DYNC1LI2: variants seen among roughly 807,000 people sequenced by gnomAD.
DYNC1LI2 encodes cytoplasmic dynein 1 light intermediate chain 2.
Under a neutral mutation model 57.8 loss-of-function variants are expected in DYNC1LI2, and 19 were observed. That is an observed-to-expected ratio of 0.33 (90% CI 0.23 to 0.48). The LOEUF (loss-of-function observed/expected upper bound fraction) is 0.48. Among genes scored for constraint, DYNC1LI2 ranks in the 20% least tolerant of loss-of-function variants. DYNC1LI2 has a pLI of 0.99. For synonymous variants in DYNC1LI2, 256 were observed against 233.4 expected (o/e 1.10, Z -0.88); for missense variants, 470 against 604.2 (o/e 0.78, Z 2.33).
rs925373453 is a variant in DYNC1LI2, at chr16:66,723,128, C to G, written c.*594G>C. Reference sequence around the variant, plus strand: ...AGATGCATTCAAAATAAGCCTAATTCCCATTTTGCTTAGTGTTTTGTTTGG... The same window carrying G: ...AGATGCATTCAAAATAAGCCTAATTGCCATTTTGCTTAGTGTTTTGTTTGG... On this transcript the variant is annotated 3_prime_UTR_variant, in exon 13 of 13. Coordinates refer to ENST00000258198, the MANE Select transcript of DYNC1LI2 (RefSeq NM_006141.3). 8.8e-6 allele frequency: 3 copies of G among 342,442 alleles called. No individual in the cohort carries two copies. Among genetic ancestry groups the G allele is most frequent in the Non-Finnish European group, 1.7e-5 (3 of 171,522 alleles). The allele number at this position is 342,442 out of a possible 1,614,324, so 21.2% of individuals were successfully genotyped here. A position where few individuals can be genotyped will look rare whatever the true frequency, so the allele number is the denominator to read the frequency against.
chr16:66,741,808 C>A (rs1297432787), intron 4 of DYNC1LI2, among the ~76,000 whole-genome samples: 3 of 148,768 alleles, frequency 2.0e-5, no homozygotes, highest in Admixed American at 6.8e-5. Flanking sequence ...GAAAAAAAAA[C>A]CCAAACAAAC....
chr16:66,729,771 C>A (rs1416892979), intron 8 of DYNC1LI2, among the ~76,000 whole-genome samples: 1 of 151,392 alleles, frequency 6.6e-6, no homozygotes, highest in Non-Finnish European at 1.5e-5. Context: ...TTAAAAAACA[C>A]CTAAACCCTT....
chr16:66,727,057 A>ACAG (rs2017549074), intron 11 of DYNC1LI2, among the ~76,000 whole-genome samples: 1 of 152,060 alleles, frequency 6.6e-6, no homozygotes, highest in Admixed American at 6.6e-5. Flanking sequence ...AGATGGGACT[A>ACAG]CAGGCAAGCA....
chr16:66,727,979 C>G, intron 10 of DYNC1LI2, 174 bp from the exon 11 acceptor site: 2 of 834,612 alleles, frequency 2.4e-6, no homozygotes, highest in Non-Finnish European at 3.7e-6. Context: ...AGAAAGACAT[C>G]CAGATAACAA....
At chr16:66,737,698 T>C (rs1015329266) in intron 4 of DYNC1LI2, among the ~76,000 whole-genome samples, 1 of 152,132 alleles carries the variant, frequency 6.6e-6, no homozygotes, top group Non-Finnish European at 1.5e-5. Flanking sequence ...GGCCTATTCC[T>C]GCCTAACACA....
At chr16:66,741,314 GA>G (rs2017831714) in intron 4 of DYNC1LI2, among the ~76,000 whole-genome samples, 1 of 152,022 alleles carries the variant, frequency 6.6e-6, no homozygotes. Context: ...TCTATTTCAG[GA>G]AAAAAGAGGC....
chr16:66,740,585 C>T (rs1417677992), intron 4 of DYNC1LI2, among the ~76,000 whole-genome samples: 1 of 152,176 alleles, frequency 6.6e-6, no homozygotes, highest in Non-Finnish European at 1.5e-5. Flanking sequence ...CTCTCCTCTT[C>T]CTCCTTATAA....
chr16:66,726,178 T>G (rs907084001), intron 11 of DYNC1LI2, among the ~76,000 whole-genome samples: 1 of 152,194 alleles, frequency 6.6e-6, no homozygotes, highest in Non-Finnish European at 1.5e-5. Context: ...AGATAACCTG[T>G]GCTCCACACC....
Position 66,723,053 on chromosome 16 carries a change from C to G in DYNC1LI2, c.*669G>C. 1 of 332,984 alleles carries G rather than the reference C, an allele frequency of 3.0e-6. No individual in the cohort carries two copies. The highest frequency in any genetic ancestry group is 5.9e-6 in the Non-Finnish European group (1 of 169,296). The allele number at this position is 332,984 out of a possible 1,614,324, so 20.6% of individuals were successfully genotyped here. A position where few individuals can be genotyped will look rare whatever the true frequency, so the allele number is the denominator to read the frequency against. On this transcript the variant is annotated 3_prime_UTR_variant, in exon 13 of 13. Transcript: ENST00000258198. ...GCCATCGTTCCCACCCCTGGGTCAG[C>G]TCCGCCTGACTCAGGCACCCCCACA...
chr16:66,723,415 G>T lies in DYNC1LI2; in HGVS notation c.*307C>A. 2.0e-6 allele frequency: 1 copy of T among 510,440 alleles called. No homozygotes were observed. Among genetic ancestry groups the T allele is most frequent in the African/African-American group, 1.9e-5 (1 of 52,286 alleles). The allele number at this position is 510,440 out of a possible 1,614,324, so 31.6% of individuals were successfully genotyped here. A position where few individuals can be genotyped will look rare whatever the true frequency, so the allele number is the denominator to read the frequency against. Reference sequence around the variant, plus strand: ...TGGTCTCATTTGCTCCACCCTGTTAGAAAGTGGGCCCTCTTTCTTTCACTC... The same window carrying T: ...TGGTCTCATTTGCTCCACCCTGTTATAAAGTGGGCCCTCTTTCTTTCACTC... On this transcript the variant is annotated 3_prime_UTR_variant, in exon 13 of 13. Transcript: ENST00000258198.
intron 4 of DYNC1LI2, 41 bp downstream of exon 4, chr16:66,742,397 A>G: frequency 6.3e-7 from 1 of 1,586,818 alleles, no homozygotes; most frequent in Non-Finnish European, 8.6e-7. Context: ...ATCTAAAGAG[A>G]CTCGTGAACT....
intron 2 of DYNC1LI2, among the ~76,000 whole-genome samples, chr16:66,749,886 T>G (rs1043576304): frequency 5.9e-5 from 9 of 152,174 alleles, no homozygotes; most frequent in Admixed American, 3.3e-4. Flanking sequence ...TCTCAGTTAA[T>G]TATTAAGCAC....
chr16:66,740,945 A>T (rs1176623120), intron 4 of DYNC1LI2, among the ~76,000 whole-genome samples: 1 of 152,216 alleles, frequency 6.6e-6, no homozygotes, highest in Non-Finnish European at 1.5e-5. Flanking sequence ...CATGCAGCTG[A>T]ATCTAATCCT....
chr16:66,727,559 T>C, intron 11 of DYNC1LI2, 129 bp downstream of exon 11: 1 of 810,580 alleles, frequency 1.2e-6, no homozygotes, highest in Non-Finnish European at 1.9e-6. Flanking sequence ...AAAGTAGCCC[T>C]TATCGGGGAA....
At chr16:66,746,961 T>C (rs546558724) in intron 3 of DYNC1LI2, among the ~76,000 whole-genome samples, 11 of 152,268 alleles carry the variant, frequency 7.2e-5, no homozygotes, top group Admixed American at 2.0e-4. Flanking sequence ...AAAGACTCAA[T>C]ACATGTGAGA....
chr16:66,735,110 T>TTC (rs2017710233), intron 5 of DYNC1LI2, among the ~76,000 whole-genome samples: 1 of 150,572 alleles, frequency 6.6e-6, no homozygotes. Flanking sequence ...GTTTTTTTTT[T>TTC]CTTTTTTTTT....
At chr16:66,748,277 C>CA (rs36186799) in intron 3 of DYNC1LI2, among the ~76,000 whole-genome samples, 879 of 66,002 alleles carry the variant, frequency 0.013, 38 homozygotes, top group East Asian at 0.028. Flanking sequence ...AACCCTGTCT[C>CA]AAAAAAAAAA....
At chr16:66,723,999 C>A (rs1281353976) in intron 12 of DYNC1LI2, among the ~76,000 whole-genome samples, 177 bp from the exon 13 acceptor site, 1 of 152,126 alleles carries the variant, frequency 6.6e-6, no homozygotes, top group Non-Finnish European at 1.5e-5. Flanking sequence ...CTCGGCACAT[C>A]CTAATCCCAA....
intron 3 of DYNC1LI2, among the ~76,000 whole-genome samples, chr16:66,745,240 A>G (rs1413543191): frequency 6.6e-6 from 1 of 151,974 alleles, no homozygotes; most frequent in Non-Finnish European, 1.5e-5. Context: ...AACTATCATC[A>G]AAAATATTTT....
Sources: gnomAD v4.1 joint callset for allele counts (sites outside exome capture counted in the v4.1 genomes callset) on GRCh38, gnomAD v4.1.1 for gene constraint, MANE v1.5 for transcripts, NCBI Gene and HGNC (gene_info 2026-07-23, HGNC 2026-07-21) for gene names.